Variants in SAMD12 observed in about 807,000 individuals in gnomAD.
SAMD12 encodes the protein sterile alpha motif domain-containing protein 12.
SAMD12 carries 9 observed loss-of-function variants against 15.0 expected under a neutral mutation model. The observed-to-expected ratio is 0.60, with a 90% CI of 0.36 to 1.05. The LOEUF (loss-of-function observed/expected upper bound fraction) is 1.05, where lower values mean the gene tolerates loss of function less well. Among genes scored for constraint, SAMD12 ranks in the 50% least tolerant of loss-of-function variants. SAMD12 has a pLI of 0.01. For missense variants in SAMD12, 230 were observed against 234.2 expected, an observed-to-expected ratio of 0.98 and a Z score of 0.12; for synonymous variants, 86 against 90.1, an observed-to-expected ratio of 0.96 and a Z score of 0.25.
At position 118,496,617 on chromosome 8, in the gene SAMD12, C is replaced by A. The variant is rs191603728; in HGVS notation, c.193-56656G>T. The stretch of plus-strand genomic sequence containing the variant: ...ATATAAAACCTCAAACTATAAAAAC[C>A]CTAGAAGAAAACCTAGAAAACACCA... On this transcript the variant is annotated intron_variant, in intron 2 of 3. Transcript: ENST00000314727. Among the ~76,000 whole-genome samples, 13 of 152,010 alleles carry A rather than the reference C, an allele frequency of 8.6e-5. No individual in the cohort carries two copies. In the East Asian group the frequency reaches 2.5e-3, roughly 29 times the overall value.
intron 2 of SAMD12, among the ~76,000 whole-genome samples, chr8:118,498,793 T>A (rs2515055): frequency 2.0e-5 from 3 of 152,070 alleles, no homozygotes; most frequent in Non-Finnish European, 4.4e-5. Context: ...AACAAATACC[T>A]ACATGGCACC....
the SAMD12 span, among the ~76,000 whole-genome samples, chr8:118,153,333 A>G: frequency 1.2e-5 from 1 of 83,768 alleles, no homozygotes; most frequent in Non-Finnish European, 2.9e-5. Flanking sequence ...GCCCCACTGC[A>G]CAAGCACATT....
At chr8:118,284,432 C>A in intron 4 of SAMD12, 1 of 451,616 alleles carries the variant, frequency 2.2e-6, no homozygotes, top group Non-Finnish European at 4.5e-6. Context: ...GTGAGTGATT[C>A]TGCCTGCCTG....
intron 4 of SAMD12, among the ~76,000 whole-genome samples, chr8:118,367,267 G>A (rs1284175412): frequency 6.6e-6 from 1 of 152,048 alleles, no homozygotes. Context: ...TCTTAGAAAA[G>A]CCAGAACATC....
At chr8:118,511,010 G>C (rs558028242) in intron 2 of SAMD12, among the ~76,000 whole-genome samples, 1 of 152,200 alleles carries the variant, frequency 6.6e-6, no homozygotes, top group Non-Finnish European at 1.5e-5. Context: ...GACTGTGACA[G>C]TCTGGGATAT....
At chr8:118,565,559 C>A (rs1826824172) in intron 2 of SAMD12, among the ~76,000 whole-genome samples, 1 of 152,238 alleles carries the variant, frequency 6.6e-6, no homozygotes, top group Admixed American at 6.5e-5. Context: ...CACATGCACA[C>A]ACCTCGTGTG....
At chr8:118,437,878 C>T (rs1423814496) in intron 3 of SAMD12, among the ~76,000 whole-genome samples, 1 of 152,154 alleles carries the variant, frequency 6.6e-6, no homozygotes, top group African/African-American at 2.4e-5. Flanking sequence ...ATTATAAATG[C>T]TTATCCTTCC....
At position 118,267,701 on chromosome 8, in the gene SAMD12, TTGTG is replaced by T. The variant is rs10671962; in HGVS notation, c.434-69973_434-69970del. ...ACAGTTTGCCAGCATTTCCCATCTG[TTGTG>T]TGTGTGTGTGTGTGTGTGTGTGTGT... is the stretch of plus-strand genomic sequence containing the variant. On this transcript the variant is annotated intron_variant, in intron 4 of 4. Coordinates refer to the SAMD12 transcript ENST00000409003. 9.7e-3 allele frequency among the ~76,000 whole-genome samples: 1,432 copies of T among 147,566 alleles called. 20 individuals carry two copies. The highest frequency in any genetic ancestry group is 0.033 in the African/African-American group (1,342 of 40,428).
intron 4 of SAMD12, among the ~76,000 whole-genome samples, chr8:118,335,796 C>T (rs1817026912): frequency 6.6e-6 from 1 of 152,168 alleles, no homozygotes; most frequent in African/African-American, 2.4e-5. Context: ...GGCTAGAGTG[C>T]AGTGGCATGA....
intron 4 of SAMD12, among the ~76,000 whole-genome samples, chr8:118,318,310 GTATATATATATATATATATATATATA>G (rs55959055): frequency 6.2e-5 from 7 of 113,322 alleles, no homozygotes; most frequent in East Asian, 2.6e-4. Context: ...AGATATATGT[GTATATATATATATATATATATATATA>G]TATATATATA....
intron 1 of SAMD12, among the ~76,000 whole-genome samples, chr8:118,595,224 A>G (rs1003433911): frequency 6.6e-6 from 1 of 152,160 alleles, no homozygotes; most frequent in Non-Finnish European, 1.5e-5. Context: ...CATCAAGCAA[A>G]TGGCAGACAG....
In SAMD12 at chr8:118,533,411, A is replaced by G. The variant is rs547601235; in HGVS notation, c.192+47304T>C. Reference sequence around the variant, plus strand: ...TGATGTGGTGCTGAGAAGAATGTATATTCTGTTGATTTGGGGTGGAGAGTT... The same window carrying G: ...TGATGTGGTGCTGAGAAGAATGTATGTTCTGTTGATTTGGGGTGGAGAGTT... On this transcript the variant is annotated intron_variant, in intron 2 of 3. Coordinates refer to ENST00000314727, the MANE Select transcript of SAMD12 (RefSeq NM_207506.3). Among the ~76,000 whole-genome samples, 16 of 152,318 alleles carry G rather than the reference A, an allele frequency of 1.1e-4. No homozygotes were observed. In the South Asian group the frequency reaches 3.3e-3, roughly 32 times the overall value.
At chr8:118,169,172 A>G in the SAMD12 span, among the ~76,000 whole-genome samples, 7,362 of 152,208 alleles carry the variant, frequency 0.048, 598 homozygotes, top group African/African-American at 0.17. Context: ...CATGTAACCA[A>G]CCTGTACATG....
intron 2 of SAMD12, among the ~76,000 whole-genome samples, chr8:118,442,605 C>A (rs1010152073): frequency 6.6e-6 from 1 of 152,208 alleles, no homozygotes; most frequent in African/African-American, 2.4e-5. Context: ...CTTTCCTTTG[C>A]ACAACTAGGA....
chr8:118,536,408 A>G (rs1467799402), intron 2 of SAMD12, among the ~76,000 whole-genome samples: 1 of 150,986 alleles, frequency 6.6e-6, no homozygotes, highest in South Asian at 2.1e-4. Flanking sequence ...TCACTTTACT[A>G]TCAGTTTAGA....
chr8:118,297,589 T>C (rs529086177), intron 4 of SAMD12, among the ~76,000 whole-genome samples: 2 of 152,318 alleles, frequency 1.3e-5, no homozygotes, highest in African/African-American at 2.4e-5. Flanking sequence ...CCAATTAAAA[T>C]TGTATTCTCA....
chr8:118,420,576 T>G (rs567499301), intron 3 of SAMD12, among the ~76,000 whole-genome samples: 273 of 152,332 alleles, frequency 1.8e-3, no homozygotes, highest in Non-Finnish European at 2.9e-3. Flanking sequence ...CTTTAAGGTA[T>G]GATGCCATTC....
At chr8:118,542,448 C>T in intron 2 of SAMD12, among the ~76,000 whole-genome samples, 1 of 152,068 alleles carries the variant, frequency 6.6e-6, no homozygotes, top group East Asian at 1.9e-4. Context: ...AAATATCGTA[C>T]TAAAAATGGT....
chr8:118,295,973 G>C (rs1429207102), intron 4 of SAMD12, among the ~76,000 whole-genome samples: 1 of 152,080 alleles, frequency 6.6e-6, no homozygotes, highest in Admixed American at 6.6e-5. Flanking sequence ...AGTTCACACT[G>C]GGATGGGAAG....
Sources: allele counts gnomAD v4.1 joint callset (sites outside exome capture counted in the v4.1 genomes callset), GRCh38; gene constraint gnomAD v4.1.1; transcripts MANE v1.5; gene names NCBI Gene and HGNC (gene_info 2026-07-23, HGNC 2026-07-21).